ATRNL1: variants seen among roughly 807,000 people sequenced by gnomAD.
The protein encoded by ATRNL1 is attractin like 1.
A neutral mutation model predicts 182.7 loss-of-function variants in ATRNL1; 95 were observed. The ratio of observed to expected loss-of-function variants is 0.52; its 90% CI spans 0.44 to 0.62. The LOEUF is 0.62. Ranked by LOEUF, ATRNL1 falls within the 20% of genes least tolerant of loss-of-function variation. The pLI is 0.00. For missense variants in ATRNL1, 1,471 were observed against 1,679.5 expected, an observed-to-expected ratio of 0.88 and a Z score of 2.17; for synonymous variants, 576 against 568.3, an observed-to-expected ratio of 1.01 and a Z score of -0.19.
intron 21 of ATRNL1, among the ~76,000 whole-genome samples, chr10:115,459,942 T>TAA (rs1393345961): frequency 6.6e-6 from 1 of 152,190 alleles, no homozygotes; most frequent in Non-Finnish European, 1.5e-5. Context: ...CCTAAGTGAT[T>TAA]ATCGGGGCAG....
At chr10:115,569,049 A>G (rs1555002681) in intron 26 of ATRNL1, among the ~76,000 whole-genome samples, 1 of 152,060 alleles carries the variant, frequency 6.6e-6, no homozygotes, top group Non-Finnish European at 1.5e-5. Flanking sequence ...TTGGCAATTA[A>G]AGGGTGACAG....
chr10:115,097,910 C>T (rs527262816), intron 1 of ATRNL1, among the ~76,000 whole-genome samples: 2 of 151,946 alleles, frequency 1.3e-5, no homozygotes, highest in African/African-American at 2.4e-5. Flanking sequence ...GGCAACAGAG[C>T]GAGACTCCGT....
chr10:115,452,763 G>A (rs542723120), intron 21 of ATRNL1, among the ~76,000 whole-genome samples: 1 of 152,158 alleles, frequency 6.6e-6, no homozygotes, highest in African/African-American at 2.4e-5. Context: ...TTAACTATAA[G>A]TACTATCCTG....
At chr10:115,392,511 C>T (rs1844078604) in intron 19 of ATRNL1, among the ~76,000 whole-genome samples, 1 of 152,154 alleles carries the variant, frequency 6.6e-6, no homozygotes. Context: ...TTTCTCTTCT[C>T]CTCTATTCCA....
chr10:115,695,160 C>A (rs1432340367), intron 26 of ATRNL1, among the ~76,000 whole-genome samples: 1 of 151,818 alleles, frequency 6.6e-6, no homozygotes, highest in East Asian at 1.9e-4. Context: ...AATTCAAAAC[C>A]CTTTATTAGT....
At chr10:115,463,473 A>G (rs1565071042) in intron 22 of ATRNL1, among the ~76,000 whole-genome samples, 1 of 152,158 alleles carries the variant, frequency 6.6e-6, no homozygotes, top group Non-Finnish European at 1.5e-5. Context: ...AAGTTTTTAT[A>G]CCTGCATTAT....
At chr10:115,503,167 T>G (rs1196282705) in intron 24 of ATRNL1, among the ~76,000 whole-genome samples, 2 of 152,182 alleles carry the variant, frequency 1.3e-5, no homozygotes, top group African/African-American at 4.8e-5. Flanking sequence ...GATACACATA[T>G]GTAATAACCT....
intron 22 of ATRNL1, among the ~76,000 whole-genome samples, chr10:115,463,768 C>T (rs1554970308): frequency 6.6e-6 from 1 of 151,986 alleles, no homozygotes; most frequent in Non-Finnish European, 1.5e-5. Flanking sequence ...CCTTTTTTAT[C>T]TGGCTTATTT....
At chr10:115,332,302 G>C (rs534613997) in intron 18 of ATRNL1, among the ~76,000 whole-genome samples, 1 of 152,172 alleles carries the variant, frequency 6.6e-6, no homozygotes, top group Non-Finnish European at 1.5e-5. Flanking sequence ...GTAGTCTGGA[G>C]AGGCTTCACA....
At chr10:115,931,717 C>G (rs990309055) in intron 28 of ATRNL1, among the ~76,000 whole-genome samples, 1 of 152,182 alleles carries the variant, frequency 6.6e-6, no homozygotes, top group African/African-American at 2.4e-5. Context: ...CATCTCTCCC[C>G]GCAAATGACA....
intron 18 of ATRNL1, among the ~76,000 whole-genome samples, chr10:115,331,523 A>T (rs1855222487): frequency 6.6e-6 from 1 of 151,994 alleles, no homozygotes; most frequent in African/African-American, 2.4e-5. Context: ...GCTATATTTT[A>T]ATTCTTTGAT....
chr10:115,813,609 T>C (rs1369776881), intron 27 of ATRNL1, among the ~76,000 whole-genome samples: 16 of 152,052 alleles, frequency 1.1e-4, no homozygotes, highest in Admixed American at 1.0e-3. Flanking sequence ...AGATTATCAC[T>C]AACATTTAAA....
intron 25 of ATRNL1, among the ~76,000 whole-genome samples, chr10:115,527,597 G>C (rs941716446): frequency 2.0e-5 from 3 of 152,088 alleles, no homozygotes; most frequent in Non-Finnish European, 4.4e-5. Context: ...TAATATTTGT[G>C]TCTATGGAGG....
intron 27 of ATRNL1, among the ~76,000 whole-genome samples, chr10:115,730,644 G>A (rs1266530782): frequency 2.0e-5 from 3 of 151,980 alleles, no homozygotes; most frequent in East Asian, 1.9e-4. Context: ...CAGTTGAGGC[G>A]GGAAGAAGTG....
chr10:115,281,167 C>T (rs1852343275), intron 13 of ATRNL1, among the ~76,000 whole-genome samples, 188 bp from the exon 14 acceptor site: 1 of 152,098 alleles, frequency 6.6e-6, no homozygotes, highest in Non-Finnish European at 1.5e-5. Context: ...GTAGAGGCAG[C>T]TTCAGGCCAA....
At chr10:115,445,780 C>T (rs545444126) in intron 21 of ATRNL1, among the ~76,000 whole-genome samples, 2 of 3,704 alleles carry the variant, frequency 5.4e-4, no homozygotes, top group African/African-American at 1.7e-3. Flanking sequence ...ATTCTTTTTT[C>T]ACCAGCTAGT....
chr10:115,562,427 A>C (rs1853813699), intron 26 of ATRNL1, among the ~76,000 whole-genome samples: 1 of 152,186 alleles, frequency 6.6e-6, no homozygotes, highest in Non-Finnish European at 1.5e-5. Flanking sequence ...TGAAAAATTT[A>C]AATATTATTG....
chr10:115,468,098 A>G (rs782003290), intron 23 of ATRNL1, among the ~76,000 whole-genome samples: 133 of 150,884 alleles, frequency 8.8e-4, no homozygotes, highest in Non-Finnish European at 1.2e-3. Flanking sequence ...TATTACATTC[A>G]AAAAATGAAA....
chr10:115,758,474 T>A (rs1322187855), intron 27 of ATRNL1, among the ~76,000 whole-genome samples: 3 of 152,158 alleles, frequency 2.0e-5, no homozygotes, highest in African/African-American at 7.2e-5. Flanking sequence ...ACAACAAAGA[T>A]TGCTGCCTGT....
Sources: gnomAD v4.1 joint callset for allele counts (sites outside exome capture counted in the v4.1 genomes callset) on GRCh38, gnomAD v4.1.1 for gene constraint, MANE v1.5 for transcripts, NCBI Gene and HGNC (gene_info 2026-07-23, HGNC 2026-07-21) for gene names.